SHANK2: variants seen among roughly 807,000 people sequenced by gnomAD.
SHANK2 encodes the protein SH3 and multiple ankyrin repeat domains 2, also known as SH3 and multiple ankyrin repeat domains protein 2.
Under a neutral mutation model 133.7 loss-of-function variants are expected in SHANK2, and 43 were observed. That is an observed-to-expected ratio of 0.32 (90% confidence interval 0.25 to 0.41). SHANK2 has a LOEUF of 0.41. Ranked by LOEUF, SHANK2 falls within the 10% of genes least tolerant of loss-of-function variation. The pLI is 1.00. For synonymous variants in SHANK2, 1,017 were observed against 952.8 expected (o/e 1.07, Z -1.24); for missense variants, 1,994 against 2,235.8 (o/e 0.89, Z 2.18).
intron 7 of SHANK2, 86 bp downstream of exon 7, chr11:71,094,451 A>T: frequency 7.4e-7 from 1 of 1,348,622 alleles, no homozygotes. Flanking sequence ...CGGACCCCCT[A>T]GGATGGGCAC....
intron 14 of SHANK2, among the ~76,000 whole-genome samples, chr11:70,793,000 G>A (rs1947827625): frequency 6.6e-6 from 1 of 152,142 alleles, no homozygotes; most frequent in South Asian, 2.1e-4. Context: ...GGCATGTAAT[G>A]AGCCCTGATG....
chr11:70,723,295 G>GTCTCTCTCTC (rs1451304700), intron 14 of SHANK2, among the ~76,000 whole-genome samples: 2 of 81,578 alleles, frequency 2.5e-5, no homozygotes, highest in African/African-American at 1.3e-4. Context: ...TTGCTGGAGG[G>GTCTCTCTCTC]TCTGTCTCTC....
rs1244220814 is a variant in SHANK2 at position 71,188,070 on chromosome 11, C to T, written c.-13+36627G>A. Among the ~76,000 whole-genome samples the T allele has an allele frequency of 6.6e-6, 1 of 152,280 alleles. No homozygotes were observed. The highest frequency in any genetic ancestry group is 1.5e-5 in the Non-Finnish European group (1 of 68,002). On this transcript the variant is annotated intron_variant, in intron 2 of 25. Transcript: ENST00000601538. The surrounding 1 kb of genome is among the most constrained non-coding windows in gnomAD (Gnocchi z 4.6). ...CTAACCTGGCGGGTCAAAGGTCAGACCCCACACAGTCCTTGCCACCACACA... is the reference window on the plus strand; with the variant it reads ...CTAACCTGGCGGGTCAAAGGTCAGATCCCACACAGTCCTTGCCACCACACA...
chr11:70,876,610 CGCACACACACACAT>C (rs1349412346), intron 11 of SHANK2, among the ~76,000 whole-genome samples: 7,358 of 151,450 alleles, frequency 0.049, 578 homozygotes, highest in African/African-American at 0.17. Flanking sequence ...CACACACACA[CGCACACACACACAT>C]GCATACACAT....
intron 14 of SHANK2, among the ~76,000 whole-genome samples, chr11:70,795,767 C>T (rs1215638122): frequency 6.6e-6 from 1 of 152,158 alleles, no homozygotes; most frequent in Non-Finnish European, 1.5e-5. Context: ...TGGAGAGATG[C>T]AATGGAAGAA....
intron 2 of SHANK2, among the ~76,000 whole-genome samples, chr11:71,172,620 A>G (rs1953341621): frequency 6.6e-6 from 1 of 151,730 alleles, no homozygotes; most frequent in Non-Finnish European, 1.5e-5. Context: ...AAAGAAAAAA[A>G]GAAAAAAGAA....
rs1045100964 is a variant in SHANK2 at position 71,252,169 on chromosome 11, C to A, written c.-113+256G>T. ...ACGCCGCTTCCAAAGCTTTCGACAC[C>A]GGCCCCTGCCCGGGAAGAAAGGCAT... On this transcript the variant is annotated intron_variant, in intron 1 of 25. Transcript: ENST00000601538. This position sits in a 1 kb window ranked among gnomAD's most constrained non-coding sequence, Gnocchi z 6.3. Among the ~76,000 whole-genome samples the A allele has an allele frequency of 2.6e-5, 4 of 152,186 alleles. No homozygotes were observed. Among genetic ancestry groups the A allele is most frequent in the Admixed American group, 2.6e-4 (4 of 15,284 alleles).
At chr11:70,914,058 C>T (rs948420931) in intron 10 of SHANK2, among the ~76,000 whole-genome samples, 2 of 152,146 alleles carry the variant, frequency 1.3e-5, no homozygotes, top group South Asian at 2.1e-4. Flanking sequence ...GAGAACAGGG[C>T]GGCGGTGGGG....
intron 6 of SHANK2, among the ~76,000 whole-genome samples, chr11:71,107,603 G>T (rs1419628901): frequency 3.9e-5 from 6 of 152,186 alleles, no homozygotes; most frequent in Admixed American, 3.9e-4. Flanking sequence ...TAATTATGCT[G>T]CTCCACAACG....
intron 3 of SHANK2, among the ~76,000 whole-genome samples, chr11:71,132,467 G>A (rs1165453029): frequency 6.6e-6 from 1 of 152,108 alleles, no homozygotes; most frequent in Admixed American, 6.6e-5. Context: ...AGTAATTCCA[G>A]ACCAAAGTCA....
chr11:70,910,091 G>GACCT (rs1950168090), intron 10 of SHANK2, among the ~76,000 whole-genome samples: 3 of 152,138 alleles, frequency 2.0e-5, no homozygotes, highest in African/African-American at 7.2e-5. Flanking sequence ...TTCCTATAGG[G>GACCT]ACACTGGTCA....
Position 70,807,338 on chromosome 11 carries a change from G to T in SHANK2, c.1494-167C>A. 6.6e-6 allele frequency among the ~76,000 whole-genome samples: 1 copy of T among 152,172 alleles called. No homozygotes were observed. Among genetic ancestry groups the T allele is most frequent in the Non-Finnish European group, 1.5e-5 (1 of 68,026 alleles). On this transcript the variant is annotated intron_variant, in intron 12 of 25. Coordinates refer to ENST00000601538, the MANE Select transcript of SHANK2 (RefSeq NM_012309.5). This position sits in a 1 kb window ranked among gnomAD's most constrained non-coding sequence, Gnocchi z 4.8. ...TGGGAACAGGCCGGGGCAGCACTGT[G>T]GTCAGAGGCTCAGGCAGATCCAACA...
chr11:71,107,746 T>C (rs1481093677), intron 6 of SHANK2, among the ~76,000 whole-genome samples: 3 of 152,212 alleles, frequency 2.0e-5, no homozygotes, highest in Non-Finnish European at 4.4e-5. Flanking sequence ...GATGTGTTTT[T>C]AGCAGTGAAT....
chr11:71,075,503 T>C (rs1163264691), intron 8 of SHANK2, among the ~76,000 whole-genome samples: 2 of 152,120 alleles, frequency 1.3e-5, no homozygotes, highest in South Asian at 2.1e-4. Flanking sequence ...CATGGTGGGA[T>C]TGGGGACTGG....
Position 70,486,255 on chromosome 11 carries a change from G to C in SHANK2, c.4038C>G (p.Ser1346=). ...EVEMKPDSSP[S]EVPEGVSETE... ...TTTCGGAAACACCTTCTGGCACCTC[G>C]GACGGCGAGCTGTCTGGCTTCATCT... is the stretch of plus-strand genomic sequence containing the variant. Residue 1346 remains serine, a synonymous_variant, in exon 25 of 26, where the codon TCC becomes TCG. Transcript: ENST00000601538. The surrounding 1 kb of genome is among the most constrained non-coding windows in gnomAD (Gnocchi z 8.0). 1 of 1,613,980 alleles carries C rather than the reference G, an allele frequency of 6.2e-7. No homozygotes were observed.
At chr11:71,231,767 T>C (rs1555122973) in intron 1 of SHANK2, among the ~76,000 whole-genome samples, 1 of 152,056 alleles carries the variant, frequency 6.6e-6, no homozygotes, top group East Asian at 1.9e-4. Context: ...CATGTGCCTG[T>C]AGTCTCAGCT....
At chr11:70,550,427 G>C (rs576277980) in intron 17 of SHANK2, among the ~76,000 whole-genome samples, 127 of 151,940 alleles carry the variant, frequency 8.4e-4, no homozygotes, top group African/African-American at 2.9e-3. Context: ...GATGCTCTTC[G>C]GTTTTTGGCA....
At chr11:70,509,886 G>A (rs1338140738) in intron 17 of SHANK2, among the ~76,000 whole-genome samples, 1 of 152,200 alleles carries the variant, frequency 6.6e-6, no homozygotes, top group African/African-American at 2.4e-5. Context: ...CTGGTCTCCC[G>A]AGCTGGGAGA....
intron 17 of SHANK2, among the ~76,000 whole-genome samples, chr11:70,574,718 G>A (rs565672257): frequency 2.0e-5 from 3 of 152,094 alleles, no homozygotes; most frequent in Non-Finnish European, 2.9e-5. Context: ...GGACCAGGCC[G>A]TTCTGCAGCA....
Sources: gnomAD v4.1 joint callset for allele counts (sites outside exome capture counted in the v4.1 genomes callset) on GRCh38, gnomAD v4.1.1 for gene constraint, Gnocchi (gnomAD v3.1) non-coding constraint, MANE v1.5 for transcripts, NCBI Gene and HGNC (gene_info 2026-07-23, HGNC 2026-07-21) for gene names.